Variants in TNKS observed in about 807,000 individuals in gnomAD.
The protein encoded by TNKS is tankyrase, also known as poly [ADP-ribose] polymerase tankyrase-1.
In TNKS, 72 loss-of-function variants were observed where a neutral mutation model predicts 135.8. The observed-to-expected ratio is 0.53, with a 90% confidence interval of 0.44 to 0.64. The LOEUF (loss-of-function observed/expected upper bound fraction) is 0.64, where lower values mean the gene tolerates loss of function less well. Ranked by LOEUF, TNKS falls within the 30% of genes least tolerant of loss-of-function variation. TNKS has a pLI of 0.00. For synonymous variants in TNKS, 849 were observed against 649.3 expected (o/e 1.31, Z -4.68); for missense variants, 1,769 against 1,674.0 (o/e 1.06, Z -0.99).
chr8:9,593,651 T>C (rs1460413186), intron 2 of TNKS, among the ~76,000 whole-genome samples: 2 of 152,198 alleles, frequency 1.3e-5, no homozygotes, highest in African/African-American at 4.8e-5. Context: ...AATTTCCTTA[T>C]AACTTCCTTT....
chr8:9,612,885 C>T (rs1563116855), intron 2 of TNKS, among the ~76,000 whole-genome samples: 1 of 152,074 alleles, frequency 6.6e-6, no homozygotes, highest in Non-Finnish European at 1.5e-5. Context: ...ATATTGTATT[C>T]TTATAGTAAA....
chr8:9,595,429 C>T (rs557812924), intron 2 of TNKS, among the ~76,000 whole-genome samples: 17 of 152,036 alleles, frequency 1.1e-4, no homozygotes, highest in South Asian at 2.1e-4. Flanking sequence ...GTACTCTTAA[C>T]GTTGATGACT....
Position 9,610,983 on chromosome 8 carries a change from C to T in TNKS, c.899-4599C>T, listed in dbSNP as rs567863118. On this transcript the variant is annotated intron_variant, in intron 2 of 26. Coordinates refer to ENST00000310430, the MANE Select transcript of TNKS (RefSeq NM_003747.3). ...AGTTTTAAAGGATGAAATGAAACAA[C>T]ATAGCTAAAGTAATACCTGCTGAAT... Among the ~76,000 whole-genome samples the T allele has an allele frequency of 2.6e-5, 4 of 152,328 alleles. 1 individual carries two copies. In the East Asian group the frequency reaches 7.7e-4, roughly 29 times the overall value.
chr8:9,675,201 A>C (rs1483443335), intron 3 of TNKS, among the ~76,000 whole-genome samples: 1 of 152,188 alleles, frequency 6.6e-6, no homozygotes, highest in Non-Finnish European at 1.5e-5. Context: ...TTAATTTTCA[A>C]ATCTACTAGT....
At position 9,556,550 on chromosome 8, in the gene TNKS, C is replaced by T; in HGVS notation, c.611C>T (p.Ala204Val). The change falls in exon 1 of 27, where the codon GCG (alanine) becomes GTG (valine). Residue 204 changes from alanine (A) to valine (V), a missense_variant. This residue lies in a region of TNKS where 450 missense variants were observed against 304.9 expected (regional missense o/e 1.48). Transcript: ENST00000310430. ...TCCCGGGTAAAGAGGCTGGTGGACG[C>T]GGCAAACGTAAATGCAAAGGACATG... ...DVSRVKRLVD[A>V]ANVNAKDMAG... 2 of 1,614,116 alleles carry T rather than the reference C, an allele frequency of 1.2e-6. No homozygotes were observed. Among genetic ancestry groups the T allele is most frequent in the South Asian group, 1.1e-5 (1 of 91,088 alleles).
At chr8:9,667,318 C>G (rs1802041968) in intron 3 of TNKS, among the ~76,000 whole-genome samples, 1 of 152,236 alleles carries the variant, frequency 6.6e-6, no homozygotes, top group African/African-American at 2.4e-5. Context: ...TCAGAACTCT[C>G]AGGATATATG....
rs565551622 is a variant in TNKS, at chr8:9,608,934, G to A, written c.899-6648G>A. Among the ~76,000 whole-genome samples, 16 of 152,184 alleles carry A rather than the reference G, an allele frequency of 1.1e-4. No individual in the cohort carries two copies. In the South Asian group the frequency reaches 1.9e-3, roughly 18 times the overall value. On this transcript the variant is annotated intron_variant, in intron 2 of 26. Coordinates refer to ENST00000310430, the MANE Select transcript of TNKS (RefSeq NM_003747.3). ...ATCTATTTTCTCCAATTTCATAATC[G>A]GTTATGTCAGAGAGGGAAAGCTAGT... is the stretch of plus-strand genomic sequence containing the variant.
chr8:9,574,839 TA>T (rs1797883549), intron 1 of TNKS, among the ~76,000 whole-genome samples: 1 of 152,140 alleles, frequency 6.6e-6, no homozygotes, highest in Non-Finnish European at 1.5e-5. Flanking sequence ...ATTTCTTCCT[TA>T]ATTATAAAAA....
chr8:9,671,347 A>T (rs534574213), intron 3 of TNKS: 1 of 152,320 alleles, frequency 6.6e-6, no homozygotes, highest in African/African-American at 2.4e-5. Context: ...ACATTTGGTA[A>T]CAACCCAAAT....
chr8:9,766,179 A>T, intron 24 of TNKS, 60 bp from the exon 25 acceptor site: 1 of 1,400,078 alleles, frequency 7.1e-7, no homozygotes, highest in Non-Finnish European at 9.8e-7. Context: ...AATAGTGTGC[A>T]GGTAATTGAG....
Position 9,615,054 on chromosome 8 carries a change from A to G in TNKS, c.899-528A>G, listed in dbSNP as rs149591937. On this transcript the variant is annotated intron_variant, in intron 2 of 26. Coordinates refer to ENST00000310430, the MANE Select transcript of TNKS (RefSeq NM_003747.3). Reference sequence around the variant, plus strand: ...ACGCCAGGGGACCAGGGTTACACACATTACTATGTCTGTTAAACTTCTTGG... The same window carrying G: ...ACGCCAGGGGACCAGGGTTACACACGTTACTATGTCTGTTAAACTTCTTGG... Among the ~76,000 whole-genome samples the G allele has an allele frequency of 2.8e-4, 43 of 152,316 alleles. No individual in the cohort carries two copies. The East Asian group carries it at 7.3e-3, about 26-fold the overall frequency.
chr8:9,657,652 C>T (rs1230199255), intron 3 of TNKS, among the ~76,000 whole-genome samples: 9 of 82,360 alleles, frequency 1.1e-4, no homozygotes, highest in Non-Finnish European at 1.0e-4. Flanking sequence ...GGTGGGGGGG[C>T]TGACCCCCCC....
Position 9,764,741 on chromosome 8 carries a change from G to T in TNKS, c.3398G>T (p.Arg1133Ile). Residue 1133 changes from arginine to isoleucine, a missense_variant, in exon 23 of 27, where the codon AGA becomes ATA. Around this residue, in one of 5 missense-constraint regions of TNKS, gnomAD observed 722 missense variants for 688.9 expected, o/e 1.05. Coordinates refer to ENST00000310430, the MANE Select transcript of TNKS (RefSeq NM_003747.3). Reference sequence around the variant, plus strand: ...ATGCAAAGTACTATTCGAGAACACAGAGATGGTGGTAATGCTGGCGGCATC... The same window carrying T: ...ATGCAAAGTACTATTCGAGAACACATAGATGGTGGTAATGCTGGCGGCATC... Reference protein sequence around the residue: ...EEMQSTIREHRDGGNAGGIFN... With the variant: ...EEMQSTIREHIDGGNAGGIFN... 6.2e-7 allele frequency: 1 copy of T among 1,600,284 alleles called. No individual in the cohort carries two copies. Among genetic ancestry groups the T allele is most frequent in the Non-Finnish European group, 8.5e-7 (1 of 1,175,386 alleles).
intron 18 of TNKS, among the ~76,000 whole-genome samples, chr8:9,750,804 GT>G (rs1228918924): frequency 6.6e-6 from 1 of 152,322 alleles, no homozygotes. Context: ...GGTGGTTCTG[GT>G]TTTGCAGTTA....
intron 2 of TNKS, among the ~76,000 whole-genome samples, chr8:9,583,463 T>C (rs935687599): frequency 2.0e-5 from 3 of 152,060 alleles, no homozygotes; most frequent in South Asian, 4.1e-4. Flanking sequence ...AACCACTAAA[T>C]AGCTTTTCTG....
intron 21 of TNKS, among the ~76,000 whole-genome samples, chr8:9,762,076 C>CT (rs1245870288): frequency 6.6e-6 from 1 of 152,186 alleles, no homozygotes; most frequent in African/African-American, 2.4e-5. Flanking sequence ...AATCCTGTTT[C>CT]TTTTAGGATA....
intron 12 of TNKS, among the ~76,000 whole-genome samples, chr8:9,723,854 C>T (rs138381125): frequency 7.3e-4 from 111 of 152,204 alleles, no homozygotes; most frequent in African/African-American, 2.4e-3. Flanking sequence ...TGAATTCTTG[C>T]GATTGTATAA....
intron 1 of TNKS, among the ~76,000 whole-genome samples, chr8:9,578,802 A>G (rs968422992): frequency 2.0e-4 from 30 of 152,196 alleles, no homozygotes; most frequent in African/African-American, 6.8e-4. Context: ...AGTTAATAAG[A>G]CCTAATACAA....
chr8:9,636,988 T>C (rs1458938535), intron 3 of TNKS, among the ~76,000 whole-genome samples: 10 of 152,234 alleles, frequency 6.6e-5, no homozygotes, highest in Non-Finnish European at 1.5e-5. Context: ...TTAAAATTGC[T>C]AGACCTTTAT....
Sources: gnomAD v4.1 joint callset for allele counts (sites outside exome capture counted in the v4.1 genomes callset) on GRCh38, gnomAD v4.1.1 for gene constraint, gnomAD v4.1.1 regional missense constraint, MANE v1.5 for transcripts, NCBI Gene and HGNC (gene_info 2026-07-23, HGNC 2026-07-21) for gene names.